TRAF3: variants seen among roughly 807,000 people sequenced by gnomAD.
TRAF3 encodes TNF receptor associated factor 3, also known as TNF receptor-associated factor 3.
TRAF3 carries 13 observed loss-of-function variants against 62.3 expected under a neutral mutation model. The observed-to-expected ratio is 0.21, with a 90% CI of 0.14 to 0.33. TRAF3 has a LOEUF of 0.33. TRAF3 is among the 10% of genes least tolerant of loss of function. TRAF3 has a pLI of 1.00. For synonymous variants in TRAF3, 269 were observed against 283.4 expected (o/e 0.95, Z 0.51); for missense variants, 440 against 741.8 (o/e 0.59, Z 4.73).
intron 2 of TRAF3, among the ~76,000 whole-genome samples, chr14:102,849,209 G>A (rs1190409895): frequency 6.6e-6 from 1 of 152,188 alleles, no homozygotes; most frequent in African/African-American, 2.4e-5. Context: ...AAATACAGTT[G>A]ACACTCCAGG....
intron 9 of TRAF3, among the ~76,000 whole-genome samples, chr14:102,893,775 C>T (rs572297304): frequency 2.6e-5 from 4 of 152,298 alleles, no homozygotes; most frequent in Admixed American, 6.5e-5. Context: ...TGATCTCTCC[C>T]GGACTCTGTC....
intron 1 of TRAF3, among the ~76,000 whole-genome samples, chr14:102,779,265 C>T (rs1034976018): frequency 8.0e-6 from 1 of 124,858 alleles, no homozygotes; most frequent in Non-Finnish European, 1.6e-5. Flanking sequence ...AGGGAGAATT[C>T]CAGCTTTTTT....
Position 102,889,644 on chromosome 14 carries a change from C to T in TRAF3, c.726+10C>T, listed in dbSNP as rs768426300. ...TGGCTGCGTTTTTCAGGTCAGTATC[C>T]GACATTTGTCCTTCCCAGTCACTGA... On this transcript the variant is annotated intron_variant, in intron 8 of 11. Transcript: ENST00000392745. 1.9e-5 allele frequency: 31 copies of T among 1,613,892 alleles called. No individual in the cohort carries two copies. Among genetic ancestry groups the T allele is most frequent in the Middle Eastern group, 1.6e-4 (1 of 6,082 alleles).
intron 2 of TRAF3, among the ~76,000 whole-genome samples, chr14:102,846,812 C>CT (rs1886754255): frequency 6.6e-6 from 1 of 151,918 alleles, no homozygotes; most frequent in South Asian, 2.1e-4. Context: ...CAAGATGCTG[C>CT]GTCAACAAAT....
intron 2 of TRAF3, among the ~76,000 whole-genome samples, chr14:102,862,805 C>A (rs1004330631): frequency 8.6e-5 from 13 of 151,846 alleles, no homozygotes; most frequent in African/African-American, 3.1e-4. Context: ...ATTATTTTTT[C>A]TTCTGTTCCT....
At chr14:102,834,815 A>G (rs143306770) in intron 2 of TRAF3, among the ~76,000 whole-genome samples, 1 of 152,318 alleles carries the variant, frequency 6.6e-6, no homozygotes, top group East Asian at 1.9e-4. Flanking sequence ...AACCTAGGCA[A>G]TACCATTCTG....
intron 6 of TRAF3, among the ~76,000 whole-genome samples, chr14:102,881,874 A>T (rs904086595): frequency 3.3e-5 from 5 of 152,218 alleles, no homozygotes; most frequent in African/African-American, 1.2e-4. Context: ...TAAACACCAT[A>T]TAAGTAACTG....
At chr14:102,863,937 C>G (rs996364047) in intron 2 of TRAF3, among the ~76,000 whole-genome samples, 1 of 152,100 alleles carries the variant, frequency 6.6e-6, no homozygotes, top group African/African-American at 2.4e-5. Context: ...CCTCTGGGAC[C>G]AGTGCATGCA....
At chr14:102,810,582 AGATGG>A (rs1316058310) in intron 1 of TRAF3, 1 of 152,236 alleles carries the variant, frequency 6.6e-6, no homozygotes, top group African/African-American at 2.4e-5. Flanking sequence ...TTTGACATGC[AGATGG>A]GCCCAGAATT....
At chr14:102,782,701 T>A (rs1897316573) in intron 1 of TRAF3, among the ~76,000 whole-genome samples, 1 of 146,458 alleles carries the variant, frequency 6.8e-6, no homozygotes, top group Non-Finnish European at 1.5e-5. Context: ...TTTCGAGCAT[T>A]AAAAAAAAAA....
chr14:102,892,047 C>CTTTTTTTT (rs778938323), intron 9 of TRAF3, among the ~76,000 whole-genome samples: 1 of 121,448 alleles, frequency 8.2e-6, no homozygotes. Flanking sequence ...CCATGCTGTT[C>CTTTTTTTT]TTTTTTTTTT....
chr14:102,882,509 T>C (rs1889124181), intron 6 of TRAF3, among the ~76,000 whole-genome samples: 1 of 151,876 alleles, frequency 6.6e-6, no homozygotes, highest in African/African-American at 2.4e-5. Flanking sequence ...TTCTGTGACT[T>C]GCCCTTGCCC....
intron 1 of TRAF3, among the ~76,000 whole-genome samples, chr14:102,794,063 C>T (rs377705380): frequency 6.6e-6 from 1 of 152,200 alleles, no homozygotes; most frequent in Non-Finnish European, 1.5e-5. Context: ...CTCTCAGGTC[C>T]TCTGCAGATG....
intron 1 of TRAF3, among the ~76,000 whole-genome samples, chr14:102,783,026 G>A (rs1167720240): frequency 6.6e-6 from 1 of 152,220 alleles, no homozygotes; most frequent in African/African-American, 2.4e-5. Context: ...GAAGGTTAAT[G>A]CCCGTTAGGA....
chr14:102,799,100 C>T (rs1328500747), intron 1 of TRAF3, among the ~76,000 whole-genome samples: 2 of 152,076 alleles, frequency 1.3e-5, no homozygotes, highest in African/African-American at 4.8e-5. Flanking sequence ...TCAGAAGTGA[C>T]CTGAGACTGG....
intron 1 of TRAF3, among the ~76,000 whole-genome samples, chr14:102,797,335 A>G (rs900096244): frequency 6.6e-5 from 10 of 152,222 alleles, no homozygotes; most frequent in Admixed American, 5.2e-4. Context: ...CCCCAATTCT[A>G]TATATGATGA....
intron 9 of TRAF3, 25 bp from the exon 10 acceptor site, chr14:102,897,236 A>T (rs1461157702): frequency 6.3e-7 from 1 of 1,598,940 alleles, no homozygotes; most frequent in South Asian, 1.1e-5. Flanking sequence ...TTTTGGTTAC[A>T]TTAATTAAAG....
chr14:102,780,169 C>T (rs1897215795), intron 1 of TRAF3, among the ~76,000 whole-genome samples: 1 of 152,206 alleles, frequency 6.6e-6, no homozygotes, highest in Non-Finnish European at 1.5e-5. Flanking sequence ...GATGCTTAGA[C>T]TTGCTTTCAG....
intron 1 of TRAF3, among the ~76,000 whole-genome samples, chr14:102,782,847 G>T (rs181391012): frequency 2.6e-5 from 4 of 152,122 alleles, no homozygotes; most frequent in Non-Finnish European, 5.9e-5. Context: ...ACCCAAAAGC[G>T]TATTTATTGG....
Sources: gnomAD v4.1 joint callset for allele counts (sites outside exome capture counted in the v4.1 genomes callset) on GRCh38, gnomAD v4.1.1 for gene constraint, MANE v1.5 for transcripts, NCBI Gene and HGNC (gene_info 2026-07-23, HGNC 2026-07-21) for gene names.